PPFIBP2: variants seen among roughly 807,000 people sequenced by gnomAD.
PPFIBP2 encodes the protein PPFIB scaffold protein 2, also known as liprin-beta-2.
PPFIBP2 carries 118 observed loss-of-function variants against 118.3 expected under a neutral mutation model. The ratio of observed to expected loss-of-function variants is 1.00; its 90% CI spans 0.86 to 1.16. The LOEUF (loss-of-function observed/expected upper bound fraction) is 1.16. Among genes scored for constraint, PPFIBP2 ranks in the 50% most tolerant of loss-of-function variants. The probability of loss-of-function intolerance (pLI) is 0.00; values close to 1 mark genes in which losing one functional copy is unlikely to be tolerated. For missense variants in PPFIBP2, 1,195 were observed against 1,073.1 expected (o/e 1.11, Z -1.59); for synonymous variants, 414 against 397.4 (o/e 1.04, Z -0.50).
chr11:7,574,260 G>A (rs1177076307), intron 3 of PPFIBP2, among the ~76,000 whole-genome samples: 1 of 152,146 alleles, frequency 6.6e-6, no homozygotes, highest in Non-Finnish European at 1.5e-5. Context: ...GGACTGTTAG[G>A]TCACTGTAGT....
rs1554956420 is a variant in PPFIBP2 at position 7,571,430 on chromosome 11, A to AG, written c.279+5664dup. 2.3e-3 allele frequency among the ~76,000 whole-genome samples: 349 copies of AG among 151,188 alleles called. 2 individuals are homozygous for AG. The highest frequency in any genetic ancestry group is 7.3e-3 in the African/African-American group (299 of 41,046). On this transcript the variant is annotated intron_variant, in intron 3 of 23. Transcript: ENST00000299492. The stretch of plus-strand genomic sequence containing the variant: ...AAGCTAGAGGAGTTGCAAAAAAAAA[A>AG]GTGGAGAGAAAAAGCTGTTTTATGA...
rs79581298 is a variant in PPFIBP2 at position 7,566,063 on chromosome 11, G to A, written c.279+296G>A. 1.1e-3 allele frequency among the ~76,000 whole-genome samples: 168 copies of A among 151,552 alleles called. 1 individual carries two copies. In the East Asian group the frequency reaches 0.024, roughly 21 times the overall value. On this transcript the variant is annotated intron_variant, in intron 3 of 23. Transcript: ENST00000299492. ...TTCACACACACACACACACACCCTCGAATTACATGTACTGCTTATTGAGTT... is the reference window on the plus strand; with the variant it reads ...TTCACACACACACACACACACCCTCAAATTACATGTACTGCTTATTGAGTT...
intron 7 of PPFIBP2, among the ~76,000 whole-genome samples, chr11:7,622,882 C>G (rs1849517606): frequency 6.6e-6 from 1 of 152,178 alleles, no homozygotes; most frequent in Non-Finnish European, 1.5e-5. Flanking sequence ...TAACACTTTT[C>G]TTTTTAACAC....
chr11:7,657,878 AC>A (rs1854795168), downstream of PPFIBP2, among the ~76,000 whole-genome samples: 1 of 152,054 alleles, frequency 6.6e-6, no homozygotes, highest in African/African-American at 2.4e-5. Context: ...CTCACCACAA[AC>A]TTGGAGCACC....
At chr11:7,556,591 C>T (rs570947599) in intron 2 of PPFIBP2, among the ~76,000 whole-genome samples, 47 of 152,280 alleles carry the variant, frequency 3.1e-4, no homozygotes, top group African/African-American at 1.1e-3. Context: ...TTTTGTTTAA[C>T]AGTTTTAACA....
rs182382822 is a variant in PPFIBP2, at chr11:7,586,123, G to A, written c.280-7009G>A. Among the ~76,000 whole-genome samples the A allele has an allele frequency of 7.2e-5, 11 of 152,290 alleles. No individual in the cohort carries two copies. The East Asian group carries it at 1.5e-3, about 21-fold the overall frequency. ...GCTATTAGCTAATGGTGGGTTCTGCGTTGTCACTGTCACAGAGGCTTTCTT... is the reference window on the plus strand; with the variant it reads ...GCTATTAGCTAATGGTGGGTTCTGCATTGTCACTGTCACAGAGGCTTTCTT... On this transcript the variant is annotated intron_variant, in intron 3 of 23. Coordinates refer to ENST00000299492, the MANE Select transcript of PPFIBP2 (RefSeq NM_003621.5).
chr11:7,533,192 A>C (rs1245591220), intron 1 of PPFIBP2, among the ~76,000 whole-genome samples: 1 of 152,186 alleles, frequency 6.6e-6, no homozygotes, highest in Non-Finnish European at 1.5e-5. Flanking sequence ...TGCCAGGCCC[A>C]AGCGTAAGTT....
At chr11:7,585,997 T>C (rs1476721088) in intron 3 of PPFIBP2, among the ~76,000 whole-genome samples, 1 of 152,166 alleles carries the variant, frequency 6.6e-6, no homozygotes, top group South Asian at 2.1e-4. Flanking sequence ...AAGAAAAATA[T>C]GTGGCCATGA....
chr11:7,516,054 T>G (rs1415938680), intron 1 of PPFIBP2, among the ~76,000 whole-genome samples: 1 of 152,244 alleles, frequency 6.6e-6, no homozygotes, highest in South Asian at 2.1e-4. Flanking sequence ...TTTGCAAACC[T>G]GGCTATGCCT....
intron 19 of PPFIBP2, 79 bp downstream of exon 19, chr11:7,648,990 C>T: frequency 1.4e-6 from 2 of 1,392,130 alleles, no homozygotes; most frequent in Non-Finnish European, 2.0e-6. Context: ...TAAATGGGTA[C>T]CTCAAGGACA....
At chr11:7,579,046 G>T (rs988430520) in intron 3 of PPFIBP2, among the ~76,000 whole-genome samples, 2 of 151,984 alleles carry the variant, frequency 1.3e-5, no homozygotes, top group Non-Finnish European at 2.9e-5. Context: ...GATACATTGG[G>T]GGGGGTCTAG....
At position 7,625,875 on chromosome 11, in the gene PPFIBP2, G is replaced by C; in HGVS notation, c.810G>C (p.Glu270Asp). The change falls in exon 8 of 24, where the codon GAG becomes GAC. Residue 270 changes from glutamate (E) to aspartate (D), a missense_variant. Transcript: ENST00000299492. ...QLSRTAALHS[E>D]SHTERDQEIQ... Reference sequence around the variant, plus strand: ...CCCGGACAGCAGCTCTCCACAGTGAGAGTCACACAGAGAGAGGTGACTAGC... The same window carrying C: ...CCCGGACAGCAGCTCTCCACAGTGACAGTCACACAGAGAGAGGTGACTAGC... 1 of 1,614,174 alleles carries C rather than the reference G, an allele frequency of 6.2e-7. No homozygotes were observed. The highest frequency in any genetic ancestry group is 8.5e-7 in the Non-Finnish European group (1 of 1,179,970).
chr11:7,655,327 C>A, downstream of PPFIBP2: 1 of 813,186 alleles, frequency 1.2e-6, no homozygotes, highest in Non-Finnish European at 1.8e-6. Flanking sequence ...TCCAGAGAAG[C>A]ATGCCCTGGA....
intron 15 of PPFIBP2, among the ~76,000 whole-genome samples, chr11:7,640,247 C>T (rs1316329215): frequency 6.6e-6 from 1 of 152,146 alleles, no homozygotes; most frequent in African/African-American, 2.4e-5. Flanking sequence ...GTGCTTCCTT[C>T]CTCTGTCATT....
chr11:7,663,821 C>A, the PPFIBP2 span, among the ~76,000 whole-genome samples: 1 of 152,252 alleles, frequency 6.6e-6, no homozygotes, highest in Non-Finnish European at 1.5e-5. Flanking sequence ...GTATGACCCT[C>A]CCAGCCAGGT....
At chr11:7,601,288 GA>G (rs751092873) in intron 5 of PPFIBP2, among the ~76,000 whole-genome samples, 1 of 152,158 alleles carries the variant, frequency 6.6e-6, no homozygotes, top group Non-Finnish European at 1.5e-5. Context: ...CCAGCCTCCA[GA>G]AAGAGCAAGA....
At chr11:7,633,063 T>C in intron 12 of PPFIBP2, 129 bp downstream of exon 12, 3 of 792,132 alleles carry the variant, frequency 3.8e-6, no homozygotes, top group Non-Finnish European at 6.2e-6. Flanking sequence ...GCCCCTCTGT[T>C]GTTAGGGCAG....
Position 7,649,568 on chromosome 11 carries a change from C to T in PPFIBP2, c.2035C>T (p.His679Tyr), listed in dbSNP as rs1853660110. ...LLFLKVTSQL[H>Y]HLSIKCAIHV... Reference sequence around the variant, plus strand: ...CTTCTTAAAAGTCACCAGCCAACTACATCATCTCAGCATCAAATGTGCCAT... The same window carrying T: ...CTTCTTAAAAGTCACCAGCCAACTATATCATCTCAGCATCAAATGTGCCAT... The change falls in exon 21 of 24, where the codon CAT becomes TAT. Residue 679 changes from histidine to tyrosine, a missense_variant. His to Tyr is a moderately conservative substitution (Grantham distance 83). Transcript: ENST00000299492. 1 of 1,614,210 alleles carries T rather than the reference C, an allele frequency of 6.2e-7. No individual in the cohort carries two copies. The highest frequency in any genetic ancestry group is 1.3e-5 in the African/African-American group (1 of 75,062).
intron 6 of PPFIBP2, among the ~76,000 whole-genome samples, chr11:7,619,659 A>AAAT (rs1324804904): frequency 6.6e-6 from 1 of 152,216 alleles, no homozygotes; most frequent in African/African-American, 2.4e-5. Flanking sequence ...AGTGGGAAAG[A>AAAT]AATGAGACAT....
Sources: gnomAD v4.1 joint callset for allele counts (sites outside exome capture counted in the v4.1 genomes callset) on GRCh38, gnomAD v4.1.1 for gene constraint, MANE v1.5 for transcripts, NCBI Gene and HGNC (gene_info 2026-07-23, HGNC 2026-07-21) for gene names.